MAGOH: variants seen among roughly 807,000 people sequenced by gnomAD.
MAGOH encodes protein mago nashi homolog.
In MAGOH, 3 loss-of-function variants were observed where a neutral mutation model predicts 20.9. The observed-to-expected ratio is 0.14, with a 90% CI of 0.07 to 0.37. MAGOH has a LOEUF of 0.37. MAGOH is among the 10% of genes least tolerant of loss of function. MAGOH has a pLI of 1.00. For missense variants in MAGOH, 66 were observed against 178.1 expected, an observed-to-expected ratio of 0.37 and a Z score of 3.58; for synonymous variants, 51 against 61.0, an observed-to-expected ratio of 0.84 and a Z score of 0.76.
In MAGOH at chr1:53,227,126, T is replaced by C; in HGVS notation, c.360A>G (p.Arg120=). Residue 120 remains arginine (R), a synonymous_variant, in exon 5 of 5, where the codon CGA becomes CGG. Transcript: ENST00000371470. ...VNQSKDPEGL[R]VFYYLVQDLK... ...GGTCCTGGACAAGATAATAAAATAC[T>C]CGTAAGCCTTCTGGATCCCTAAAAT... 1.3e-6 allele frequency: 2 copies of C among 1,557,864 alleles called. No homozygotes were observed. Among genetic ancestry groups the C allele is most frequent in the Non-Finnish European group, 1.7e-6 (2 of 1,150,690 alleles).
chr1:53,228,959 A>C lies in MAGOH; in HGVS notation c.259-5T>G. 1 of 1,602,592 alleles carries C rather than the reference A, an allele frequency of 6.2e-7. No individual in the cohort carries two copies. Among genetic ancestry groups the C allele is most frequent in the Non-Finnish European group, 8.5e-7 (1 of 1,169,714 alleles). On this transcript the variant is annotated splice_region_variant and splice_polypyrimidine_tract_variant and intron_variant, in intron 3 of 4. Coordinates refer to ENST00000371470, the MANE Select transcript of MAGOH (RefSeq NM_002370.4). ...TCCAATGACGATTTCAAGCTCCTAGAAACATTTTAGAAAATCGAAGTCAAG... is the reference window on the plus strand; with the variant it reads ...TCCAATGACGATTTCAAGCTCCTAGCAACATTTTAGAAAATCGAAGTCAAG...
intron 1 of MAGOH, among the ~76,000 whole-genome samples, chr1:53,237,403 G>A (rs1326940936): frequency 1.3e-5 from 2 of 151,246 alleles, no homozygotes; most frequent in African/African-American, 4.8e-5. Context: ...GGCCGGGCGC[G>A]GTGGCTCACA....
rs72895326 is a variant in MAGOH, at chr1:53,235,516, T to C, written c.147+61A>G. 3,915 of 1,406,578 alleles carry C rather than the reference T, an allele frequency of 2.8e-3. 87 individuals are homozygous for C. The African/African-American group carries it at 0.05, about 18-fold the overall frequency. 87.1% of individuals were successfully genotyped at this position (1,406,578 alleles called of 1,614,324 possible). A position where few individuals can be genotyped will look rare whatever the true frequency, so the allele number is the denominator to read the frequency against. On this transcript the variant is annotated intron_variant, in intron 2 of 4. Transcript: ENST00000371470. ...ATACTACTAGAAACAATAAAAACAA[T>C]GCAAGACAAAAAGCTGAAATGTAGC...
chr1:53,238,224 G>A (rs193059181), intron 1 of MAGOH, 137 bp downstream of exon 1: 6 of 721,918 alleles, frequency 8.3e-6, no homozygotes, highest in African/African-American at 7.0e-5. Flanking sequence ...ACACAGTGGC[G>A]TTCCTTTAAG....
At chr1:53,227,972 G>A (rs529215122) in intron 4 of MAGOH, among the ~76,000 whole-genome samples, 2 of 152,248 alleles carry the variant, frequency 1.3e-5, no homozygotes, top group East Asian at 1.9e-4. Context: ...AAAGTGAGCC[G>A]TACCTAATCC....
At chr1:53,229,796 G>A (rs140330127) in intron 3 of MAGOH, among the ~76,000 whole-genome samples, 11 of 152,076 alleles carry the variant, frequency 7.2e-5, no homozygotes, top group Non-Finnish European at 1.5e-4. Context: ...GTGTGCATCC[G>A]TGGTCCCAGC....
chr1:53,229,017 G>T, intron 3 of MAGOH, 63 bp from the exon 4 acceptor site: 2 of 1,141,200 alleles, frequency 1.8e-6, no homozygotes, highest in Non-Finnish European at 2.6e-6. Context: ...CACACAGAAG[G>T]ATTAATCATT....
At chr1:53,233,914 T>C (rs1645598673) in intron 2 of MAGOH, 1 of 309,390 alleles carries the variant, frequency 3.2e-6, no homozygotes, top group Non-Finnish European at 6.0e-6. Flanking sequence ...CCTGCCCACA[T>C]ACCCAACTCA....
chr1:53,233,153 G>A (rs911116621), intron 3 of MAGOH: 1 of 155,632 alleles, frequency 6.4e-6, no homozygotes, highest in African/African-American at 2.4e-5. Flanking sequence ...AAAAATGGAT[G>A]GTATGGAACA....
chr1:53,231,905 G>T (rs182945493), intron 3 of MAGOH, among the ~76,000 whole-genome samples: 1 of 152,228 alleles, frequency 6.6e-6, no homozygotes, highest in East Asian at 1.9e-4. Flanking sequence ...CCACAAAAAC[G>T]ATACATATTT....
intron 4 of MAGOH, among the ~76,000 whole-genome samples, chr1:53,227,461 CCTTT>C (rs547433525): frequency 2.0e-3 from 299 of 152,224 alleles, no homozygotes; most frequent in Non-Finnish European, 3.7e-3. Context: ...ATGATTTTCC[CCTTT>C]CTACTTTTCT....
At position 53,238,495 on chromosome 1, in the gene MAGOH, C is replaced by T. The variant is rs766348180; in HGVS notation, c.-47G>A. 2.6e-6 allele frequency: 4 copies of T among 1,521,220 alleles called. No individual in the cohort carries two copies. The highest frequency in any genetic ancestry group is 3.6e-6 in the Non-Finnish European group (4 of 1,096,068). 94.2% of individuals were successfully genotyped at this position (1,521,220 alleles called of 1,614,324 possible). A position where few individuals can be genotyped will look rare whatever the true frequency, so the allele number is the denominator to read the frequency against. ...CCTGAACTTCCAAGAGCAAGCCGCACTGCCGCCGTCTGCGCCCGACACTGA... is the reference window on the plus strand; with the variant it reads ...CCTGAACTTCCAAGAGCAAGCCGCATTGCCGCCGTCTGCGCCCGACACTGA... On this transcript the variant is annotated 5_prime_UTR_variant, in exon 1 of 5. The change creates a new upstream start codon in the 5' untranslated region. Coordinates refer to ENST00000371470, the MANE Select transcript of MAGOH (RefSeq NM_002370.4).
chr1:53,237,410 C>A (rs1444265257), intron 1 of MAGOH, among the ~76,000 whole-genome samples: 2 of 151,038 alleles, frequency 1.3e-5, no homozygotes, highest in Non-Finnish European at 3.0e-5. Context: ...CGCGGTGGCT[C>A]ACACCTGTAA....
intron 1 of MAGOH, among the ~76,000 whole-genome samples, chr1:53,236,922 T>C (rs1325646117): frequency 6.6e-6 from 1 of 151,444 alleles, no homozygotes; most frequent in African/African-American, 2.4e-5. Context: ...TCTCCATTTC[T>C]ACTATCTCTG....
chr1:53,238,298 C>T (rs1645626600), intron 1 of MAGOH, 63 bp downstream of exon 1: 1 of 1,486,344 alleles, frequency 6.7e-7, no homozygotes, highest in Admixed American at 1.7e-5. Flanking sequence ...CGACCCTCGG[C>T]CTCCCCACTC....
intron 3 of MAGOH, among the ~76,000 whole-genome samples, chr1:53,229,782 G>A (rs1645577262): frequency 6.6e-6 from 1 of 152,114 alleles, no homozygotes; most frequent in South Asian, 2.1e-4. Flanking sequence ...AGCTGGGTGT[G>A]GTGGTGTGCA....
chr1:53,234,233 G>A (rs535266877), intron 2 of MAGOH, among the ~76,000 whole-genome samples: 1 of 152,222 alleles, frequency 6.6e-6, no homozygotes, highest in South Asian at 2.1e-4. Flanking sequence ...ACTAGACACT[G>A]AACTTGCCAG....
At chr1:53,229,386 G>C (rs909214454) in intron 3 of MAGOH, among the ~76,000 whole-genome samples, 1 of 152,036 alleles carries the variant, frequency 6.6e-6, no homozygotes, top group African/African-American at 2.4e-5. Context: ...ATTTTTAGTA[G>C]AGACGGGGTT....
At chr1:53,233,312 A>C in intron 3 of MAGOH, 2 of 394,596 alleles carry the variant, frequency 5.1e-6, no homozygotes, top group South Asian at 9.6e-5. Context: ...TATATACATT[A>C]ATGTATATAA....
Sources: gnomAD v4.1 joint callset for allele counts (sites outside exome capture counted in the v4.1 genomes callset) on GRCh38, gnomAD v4.1.1 for gene constraint, MANE v1.5 for transcripts, NCBI Gene and HGNC (gene_info 2026-07-23, HGNC 2026-07-21) for gene names.